Variants in SCNN1B observed in about 807,000 individuals in gnomAD.
The protein encoded by SCNN1B is epithelial sodium channel subunit beta.
Under a neutral mutation model 65.3 loss-of-function variants are expected in SCNN1B, and 46 were observed. That is an observed-to-expected ratio of 0.70 (90% CI 0.56 to 0.90). The LOEUF is 0.90. Among genes scored for constraint, SCNN1B ranks in the 40% least tolerant of loss-of-function variants. The probability of loss-of-function intolerance (pLI) is 0.00; values close to 1 mark genes in which losing one functional copy is unlikely to be tolerated. For synonymous variants in SCNN1B, 349 were observed against 330.6 expected (o/e 1.06, Z -0.60); for missense variants, 751 against 830.5 (o/e 0.90, Z 1.18).
At chr16:23,292,521 T>G (rs1291766499) in intron 2 of SCNN1B, among the ~76,000 whole-genome samples, 1 of 151,358 alleles carries the variant, frequency 6.6e-6, no homozygotes, top group South Asian at 2.1e-4. Context: ...TTTATTTCTT[T>G]GAGACACGGT....
At chr16:23,360,513 C>A (rs987304506) in intron 4 of SCNN1B, among the ~76,000 whole-genome samples, 2 of 151,234 alleles carry the variant, frequency 1.3e-5, no homozygotes, top group Non-Finnish European at 2.9e-5. Context: ...CACACCACTG[C>A]ATTCCAGCAT....
chr16:23,336,592 G>A (rs527737820), intron 1 of SCNN1B, among the ~76,000 whole-genome samples: 2 of 151,940 alleles, frequency 1.3e-5, no homozygotes, highest in Non-Finnish European at 2.9e-5. Context: ...GGATGGTCTC[G>A]ATTTCTTGAC....
At chr16:23,299,235 A>G (rs895492865), upstream of SCNN1B, among the ~76,000 whole-genome samples, 4 of 151,172 alleles carry the variant, frequency 2.6e-5, no homozygotes, top group Non-Finnish European at 4.4e-5. Flanking sequence ...AATTTTTTGT[A>G]TTTTAGTAGA....
rs987600680 is a variant in SCNN1B at position 23,381,080 on chromosome 16, G to A, written c.*279G>A. ...CTGATCCTGGTCCTGAAGACCCCTCGGAACACCCTCTCCTGGTGGCAGGCC... is the reference window on the plus strand; with the variant it reads ...CTGATCCTGGTCCTGAAGACCCCTCAGAACACCCTCTCCTGGTGGCAGGCC... On this transcript the variant is annotated 3_prime_UTR_variant, in exon 13 of 13. Coordinates refer to ENST00000343070, the MANE Select transcript of SCNN1B (RefSeq NM_000336.3). 1.8e-5 allele frequency: 9 copies of A among 504,194 alleles called. No homozygotes were observed. Among genetic ancestry groups the A allele is most frequent in the African/African-American group, 9.7e-5 (5 of 51,756 alleles). The allele number at this position is 504,194 out of a possible 1,614,324, so 31.2% of individuals were successfully genotyped here. A position where few individuals can be genotyped will look rare whatever the true frequency, so the allele number is the denominator to read the frequency against.
Position 23,361,221 on chromosome 16 carries a change from G to A in SCNN1B, c.776+5732G>A, listed in dbSNP as rs531850638. Among the ~76,000 whole-genome samples, 187 of 152,302 alleles carry A rather than the reference G, an allele frequency of 1.2e-3. 1 individual carries two copies. The highest frequency in any genetic ancestry group is 2.2e-3 in the Non-Finnish European group (147 of 68,030). On this transcript the variant is annotated intron_variant, in intron 4 of 12. Transcript: ENST00000343070. The stretch of plus-strand genomic sequence containing the variant: ...TGGGATTACAGGCATGAGCCACTGC[G>A]CCTGGCCTAGAGAGACTTTTTATCG...
chr16:23,375,899 C>A, intron 8 of SCNN1B, 44 bp downstream of exon 8: 2 of 1,301,700 alleles, frequency 1.5e-6, no homozygotes, highest in Non-Finnish European at 2.2e-6. Flanking sequence ...CATCTGGGGC[C>A]ACAGAGGCTC....
At chr16:23,366,518 G>A (rs894740816) in intron 4 of SCNN1B, among the ~76,000 whole-genome samples, 10 of 152,012 alleles carry the variant, frequency 6.6e-5, no homozygotes, top group African/African-American at 1.2e-4. Context: ...GGGATCACCC[G>A]AGGTCAAGAG....
chr16:23,322,510 T>C (rs1961610008), intron 1 of SCNN1B, among the ~76,000 whole-genome samples: 1 of 152,030 alleles, frequency 6.6e-6, no homozygotes, highest in Admixed American at 6.6e-5. Flanking sequence ...AGGGTCTTGC[T>C]ATGTTGCCCA....
At chr16:23,327,547 A>G (rs1961722245) in intron 1 of SCNN1B, among the ~76,000 whole-genome samples, 1 of 152,120 alleles carries the variant, frequency 6.6e-6, no homozygotes. Context: ...AATGATAATA[A>G]TAATAATAAT....
upstream of SCNN1B, among the ~76,000 whole-genome samples, chr16:23,301,484 G>A (rs556952658): frequency 6.6e-6 from 1 of 151,604 alleles, no homozygotes; most frequent in Non-Finnish European, 1.5e-5. Flanking sequence ...AGATTCCTAA[G>A]ACCAAAAATT....
chr16:23,339,912 C>T (rs1261300062), intron 1 of SCNN1B, among the ~76,000 whole-genome samples: 1 of 152,010 alleles, frequency 6.6e-6, no homozygotes, highest in Non-Finnish European at 1.5e-5. Flanking sequence ...GTGACTGTAC[C>T]ATTTTGCATT....
intron 3 of SCNN1B, 145 bp downstream of exon 3, chr16:23,353,219 T>A: frequency 1.0e-6 from 1 of 1,003,910 alleles, no homozygotes; most frequent in Non-Finnish European, 1.5e-6. Context: ...AGAGATTTTT[T>A]AAAAATAGAA....
chr16:23,287,116 T>G (rs1960862097), intron 2 of SCNN1B, among the ~76,000 whole-genome samples: 1 of 151,700 alleles, frequency 6.6e-6, no homozygotes, highest in East Asian at 1.9e-4. Flanking sequence ...GTGGTTCTCT[T>G]GCCTCAGCCT....
chr16:23,324,409 C>A (rs1017121656), intron 1 of SCNN1B, among the ~76,000 whole-genome samples: 4 of 151,928 alleles, frequency 2.6e-5, no homozygotes, highest in African/African-American at 9.7e-5. Flanking sequence ...CACTATATTG[C>A]CCAGGCTGGT....
chr16:23,378,292 G>A (rs533505745), intron 10 of SCNN1B, among the ~76,000 whole-genome samples: 1 of 152,336 alleles, frequency 6.6e-6, no homozygotes, highest in East Asian at 1.9e-4. Context: ...TTACAGGCAT[G>A]AGCCACCATG....
At position 23,380,102 on chromosome 16, in the gene SCNN1B, T is replaced by A; in HGVS notation, c.1475T>A (p.Ile492Asn). 6.8e-6 allele frequency: 11 copies of A among 1,613,912 alleles called. No homozygotes were observed. Among genetic ancestry groups the A allele is most frequent in the Non-Finnish European group, 8.5e-6 (10 of 1,179,844 alleles). ...STNITLSRKG[I>N]VKLNIYFQEF... ...CTCGCTGCCTCCTGCAGGAAGGGAA[T>A]TGTCAAGCTCAACATCTACTTCCAA... Residue 492 changes from isoleucine (I) to asparagine (N), a missense_variant, in exon 12 of 13, where the codon ATT becomes AAT. Transcript: ENST00000343070. The surrounding 1 kb of genome is among the most constrained non-coding windows in gnomAD (Gnocchi z 5.4).
rs774595134 is a variant in SCNN1B at position 23,380,392 on chromosome 16, A to G, written c.1543-29A>G. 34 of 1,613,756 alleles carry G rather than the reference A, an allele frequency of 2.1e-5. No individual in the cohort carries two copies. The highest frequency in any genetic ancestry group is 2.8e-5 in the Non-Finnish European group (33 of 1,179,998). On this transcript the variant is annotated intron_variant, in intron 12 of 12. Coordinates refer to ENST00000343070, the MANE Select transcript of SCNN1B (RefSeq NM_000336.3). The surrounding 1 kb of genome is among the most constrained non-coding windows in gnomAD (Gnocchi z 5.4). ...GCTAGAGGCAAGAATGTGTGGCCTG[A>G]GCTCACCCCAGCTCCCTGTTCCCCA...
intron 1 of SCNN1B, 141 bp downstream of exon 1, chr16:23,302,578 G>A (rs1961107626): frequency 6.6e-6 from 1 of 152,392 alleles, no homozygotes; most frequent in African/African-American, 2.4e-5. Context: ...TTGGGTGCCT[G>A]TCTGAGGCGC....
At chr16:23,351,466 G>C (rs944547558) in intron 2 of SCNN1B, among the ~76,000 whole-genome samples, 2 of 152,142 alleles carry the variant, frequency 1.3e-5, no homozygotes, top group African/African-American at 4.8e-5. Context: ...ACCACCACCT[G>C]CACAGACGCC....
Sources: gnomAD v4.1 joint callset for allele counts (sites outside exome capture counted in the v4.1 genomes callset) on GRCh38, gnomAD v4.1.1 for gene constraint, Gnocchi (gnomAD v3.1) non-coding constraint, MANE v1.5 for transcripts, NCBI Gene and HGNC (gene_info 2026-07-23, HGNC 2026-07-21) for gene names.